LRRIQ1: variants seen among roughly 807,000 people sequenced by gnomAD.
LRRIQ1 encodes leucine-rich repeat- and IQ domain-containing protein 1.
Under a neutral mutation model 211.9 loss-of-function variants are expected in LRRIQ1, and 210 were observed. The ratio of observed to expected loss-of-function variants is 0.99; its 90% CI spans 0.89 to 1.11. The LOEUF is 1.11. Ranked by LOEUF, LRRIQ1 falls within the 50% of genes most tolerant of loss-of-function variation. The pLI is 0.00. For missense variants in LRRIQ1, 2,136 were observed against 1,939.5 expected (o/e 1.10, Z -1.90); for synonymous variants, 699 against 650.1 (o/e 1.08, Z -1.14).
At chr12:85,255,827 A>G (rs747931482) in intron 1 of LRRIQ1, among the ~76,000 whole-genome samples, 56 of 151,840 alleles carry the variant, frequency 3.7e-4, no homozygotes, top group Non-Finnish European at 5.8e-4. Flanking sequence ...ACAGAAAAAC[A>G]TTAACACTTA....
chr12:85,047,410 G>A lies in LRRIQ1; in HGVS notation c.618G>A (p.Lys206=), dbSNP rs751006175. 4 of 1,613,054 alleles carry A rather than the reference G, an allele frequency of 2.5e-6. No individual in the cohort carries two copies. The highest frequency in any genetic ancestry group is 2.2e-5 in the South Asian group (2 of 91,030). ...AACAATTTCAAGAAGAAGAAGAAAA[G>A]CGACATTGCTGGATGAAACAATTTA... ...EEKQFQEEEE[K]RHCWMKQFKV... is the part of the protein sequence containing the mutation. Residue 206 remains lysine (K), a synonymous_variant, in exon 6 of 27, where the codon AAG becomes AAA. Coordinates refer to ENST00000393217, the MANE Select transcript of LRRIQ1 (RefSeq NM_001079910.2).
At chr12:85,226,408 A>C (rs1270363521) in intron 24 of LRRIQ1, among the ~76,000 whole-genome samples, 1 of 152,144 alleles carries the variant, frequency 6.6e-6, no homozygotes, top group African/African-American at 2.4e-5. Context: ...GTCACTAAGG[A>C]AACCAGATCA....
chr12:85,120,934 TTTTG>T (rs570281788), intron 15 of LRRIQ1, among the ~76,000 whole-genome samples: 104 of 152,072 alleles, frequency 6.8e-4, no homozygotes, highest in South Asian at 3.5e-3. Flanking sequence ...GTTTTTGTTT[TTTTG>T]TTTGTTTGTT....
Position 85,106,603 on chromosome 12 carries a change from A to G in LRRIQ1, c.3365A>G (p.Glu1122Gly), listed in dbSNP as rs777316219. 3 of 1,610,256 alleles carry G rather than the reference A, an allele frequency of 1.9e-6. No homozygotes were observed. Among genetic ancestry groups the G allele is most frequent in the Non-Finnish European group, 2.5e-6 (3 of 1,177,178 alleles). ...CTTACTGGAAACCCACTTCTTCAAG[A>G]AACAAACTGGAGGTAAAGAGGCATT... The part of the protein sequence containing the change: ...LSLTGNPLLQ[E>G]TNWRDSLLKV... The change falls in exon 15 of 27, where the codon GAA (glutamate) becomes GGA (glycine). Residue 1122 changes from glutamate (E) to glycine (G), a missense_variant. By Grantham distance (98) the Glu-to-Gly change is moderately conservative. Coordinates refer to ENST00000393217, the MANE Select transcript of LRRIQ1 (RefSeq NM_001079910.2).
intron 8 of LRRIQ1, among the ~76,000 whole-genome samples, chr12:85,061,017 TGA>T (rs1473748860): frequency 6.6e-6 from 1 of 151,846 alleles, no homozygotes; most frequent in African/African-American, 2.4e-5. Flanking sequence ...TCTCAAGTCA[TGA>T]GAGTCTGAAA....
At position 85,098,436 on chromosome 12, in the gene LRRIQ1, C is replaced by T. The variant is rs1457760192; in HGVS notation, c.2969C>T (p.Thr990Ile). The T allele has an allele frequency of 1.5e-5, 24 of 1,610,230 alleles. No homozygotes were observed. Among genetic ancestry groups the T allele is most frequent in the Non-Finnish European group, 1.9e-5 (22 of 1,177,444 alleles). ...QLINTKGLCDTPTIVYLDCSH... is the reference protein window; with the variant it reads ...QLINTKGLCDIPTIVYLDCSH... Reference sequence around the variant, plus strand: ...ATTAATACAAAAGGTCTTTGTGATACACCTACCATTGTATACCTAGATTGC... The same window carrying T: ...ATTAATACAAAAGGTCTTTGTGATATACCTACCATTGTATACCTAGATTGC... Residue 990 changes from threonine to isoleucine, a missense_variant, in exon 12 of 27, where the codon ACA becomes ATA. Physicochemically the swap from Thr to Ile is moderately conservative, Grantham distance 89. Transcript: ENST00000393217.
In LRRIQ1 at chr12:85,261,797, A is replaced by ATTTGTTTG. The variant is rs1238080180; in HGVS notation, c.122-1115_122-1114insGTTTGTTT. 1.1e-3 allele frequency among the ~76,000 whole-genome samples: 133 copies of ATTTGTTTG among 123,266 alleles called. 1 individual carries two copies. Among genetic ancestry groups the ATTTGTTTG allele is most frequent in the African/African-American group, 5.1e-3 (117 of 22,894 alleles). The allele number at this position is 123,266 out of a possible 152,430, so 80.9% of individuals were successfully genotyped here. A position where few individuals can be genotyped will look rare whatever the true frequency, so the allele number is the denominator to read the frequency against. ...TATTTATTTATTTATTTATTTATTT[A>ATTTGTTTG]TTTATTTTTGAGACGGAGTTTGGCT... On this transcript the variant is annotated intron_variant, in intron 1 of 1. Transcript: ENST00000602731.
chr12:85,179,365 G>A (rs1483588110), intron 24 of LRRIQ1, among the ~76,000 whole-genome samples: 2 of 152,070 alleles, frequency 1.3e-5, no homozygotes, highest in Non-Finnish European at 2.9e-5. Context: ...TGTGCCATAA[G>A]CAGTGTTATG....
chr12:85,102,959 A>AAAAAATATAT (rs1458673370), intron 13 of LRRIQ1, among the ~76,000 whole-genome samples: 3 of 108,500 alleles, frequency 2.8e-5, no homozygotes, highest in African/African-American at 1.2e-4. Flanking sequence ...AAAAAAAAAA[A>AAAAAATATAT]ATATATATAT....
intron 23 of LRRIQ1, among the ~76,000 whole-genome samples, chr12:85,158,824 TA>T (rs1890703384): frequency 6.6e-6 from 1 of 151,758 alleles, no homozygotes; most frequent in African/African-American, 2.4e-5. Context: ...TAAAAACGTG[TA>T]ACAAACTATA....
At chr12:85,099,789 A>C (rs950354548) in intron 13 of LRRIQ1, among the ~76,000 whole-genome samples, 1 of 151,796 alleles carries the variant, frequency 6.6e-6, no homozygotes, top group Non-Finnish European at 1.5e-5. Context: ...TTCCCCCAAG[A>C]CATATAAAAT....
chr12:85,205,139 C>G (rs1047777271), intron 24 of LRRIQ1, among the ~76,000 whole-genome samples: 2 of 152,088 alleles, frequency 1.3e-5, no homozygotes, highest in African/African-American at 4.8e-5. Flanking sequence ...TCTCTTTGCC[C>G]GCTGCCATCC....
intron 24 of LRRIQ1, among the ~76,000 whole-genome samples, chr12:85,180,210 A>G (rs1361964120): frequency 6.6e-6 from 1 of 151,926 alleles, no homozygotes; most frequent in Non-Finnish European, 1.5e-5. Flanking sequence ...CTGAAGTTCA[A>G]CCAACTGTGA....
downstream of LRRIQ1, among the ~76,000 whole-genome samples, chr12:85,247,441 T>G (rs753887790): frequency 1.3e-5 from 2 of 151,620 alleles, no homozygotes; most frequent in African/African-American, 2.4e-5. Context: ...ATATTTCTCT[T>G]TTAGTGTTGT....
In LRRIQ1 at chr12:85,174,102, GA is replaced by G. The variant is rs1324475828; in HGVS notation, c.4822+13394del. On this transcript the variant is annotated intron_variant, in intron 24 of 26. Transcript: ENST00000393217. The stretch of plus-strand genomic sequence containing the variant: ...GAAAATATATAACATGAAAATTAGG[GA>G]AAAAAGTAGCAAGCATAATAAAGAT... Among the ~76,000 whole-genome samples, 10 of 151,614 alleles carry G rather than the reference GA, an allele frequency of 6.6e-5. No homozygotes were observed. The East Asian group carries it at 1.6e-3, about 24-fold the overall frequency.
At chr12:85,137,405 TTCA>T (rs907468351) in intron 18 of LRRIQ1, among the ~76,000 whole-genome samples, 1 of 151,668 alleles carries the variant, frequency 6.6e-6, no homozygotes, top group Non-Finnish European at 1.5e-5. Flanking sequence ...ATGAAATTAA[TTCA>T]TCATTATAGG....
intron 11 of LRRIQ1, among the ~76,000 whole-genome samples, chr12:85,091,279 T>C (rs1073457): frequency 0.22 from 33,370 of 152,126 alleles, 4,332 homozygotes; most frequent in Admixed American, 0.31. Flanking sequence ...AATGCAAGAA[T>C]GGCCTAATAC....
intron 11 of LRRIQ1, among the ~76,000 whole-genome samples, chr12:85,082,372 G>A (rs1884388798): frequency 6.6e-6 from 1 of 152,074 alleles, no homozygotes; most frequent in South Asian, 2.1e-4. Context: ...GATGTGTCTA[G>A]GCAGGGATTT....
At position 85,127,968 on chromosome 12, in the gene LRRIQ1, AAAG is replaced by A; in HGVS notation, c.4145_4147del (p.Lys1382_Gly1383delinsArg). Reference sequence around the variant, plus strand: ...CATCAAGAATCAGACTATTTTAAAGAAAGGAAAAAGAGAAAATATTGTGAATAT... The same window carrying A: ...CATCAAGAATCAGACTATTTTAAAGAGAAAAAGAGAAAATATTGTGAATAT... On this transcript the variant is annotated inframe_deletion, in exon 18 of 27. Transcript: ENST00000393217. 2 of 1,613,830 alleles carry A rather than the reference AAAG, an allele frequency of 1.2e-6. No homozygotes were observed. Among genetic ancestry groups the A allele is most frequent in the Non-Finnish European group, 1.7e-6 (2 of 1,179,720 alleles).
Sources: allele counts gnomAD v4.1 joint callset (sites outside exome capture counted in the v4.1 genomes callset), GRCh38; gene constraint gnomAD v4.1.1; transcripts MANE v1.5; gene names NCBI Gene and HGNC (gene_info 2026-07-23, HGNC 2026-07-21).